Variants in FOXJ3 observed in about 807,000 individuals in gnomAD.
The protein encoded by FOXJ3 is forkhead box J3.
A neutral mutation model predicts 76.1 loss-of-function variants in FOXJ3; 22 were observed. That is an observed-to-expected ratio of 0.29 (90% CI 0.21 to 0.41). FOXJ3 has a LOEUF of 0.41. Among genes scored for constraint, FOXJ3 ranks in the 10% least tolerant of loss-of-function variants. The probability of loss-of-function intolerance (pLI) is 1.00; values close to 1 mark genes in which losing one functional copy is unlikely to be tolerated. For missense variants in FOXJ3, 613 were observed against 762.1 expected (o/e 0.80, Z 2.30); for synonymous variants, 269 against 261.2 (o/e 1.03, Z -0.29).
intron 4 of FOXJ3, among the ~76,000 whole-genome samples, chr1:42,229,682 C>G (rs949015432): frequency 5.3e-5 from 8 of 152,072 alleles, no homozygotes; most frequent in Non-Finnish European, 8.8e-5. Flanking sequence ...ACAAACTTGC[C>G]AAGAACCCTA....
rs11799854 is a variant in FOXJ3 at position 42,188,688 on chromosome 1, C to T, written c.1645+49G>A. The T allele has an allele frequency of 2.3e-3, 2,951 of 1,280,534 alleles. 59 individuals are homozygous for T. The African/African-American group carries it at 0.041, about 18-fold the overall frequency. 79.3% of individuals were successfully genotyped at this position (1,280,534 alleles called of 1,614,324 possible). A position where few individuals can be genotyped will look rare whatever the true frequency, so the allele number is the denominator to read the frequency against. ...GTTGGTTAAGACAGTTACTAAATTT[C>T]GTACGAATGAGAAAATGAGAAAAAT... On this transcript the variant is annotated intron_variant, in intron 11 of 12. Transcript: ENST00000361346.
intron 4 of FOXJ3, among the ~76,000 whole-genome samples, chr1:42,235,841 T>C (rs557776972): frequency 6.6e-6 from 1 of 152,252 alleles, no homozygotes; most frequent in African/African-American, 2.4e-5. Context: ...TGTGAGCCAC[T>C]GCACCAGGCC....
intron 8 of FOXJ3, among the ~76,000 whole-genome samples, chr1:42,194,650 G>A (rs754298139): frequency 1.3e-5 from 2 of 152,150 alleles, no homozygotes; most frequent in Non-Finnish European, 2.9e-5. Flanking sequence ...CTTTAACACA[G>A]TGTTCCTGGA....
At chr1:42,296,611 G>C (rs2124719795) in intron 2 of FOXJ3, among the ~76,000 whole-genome samples, 1 of 152,294 alleles carries the variant, frequency 6.6e-6, no homozygotes, top group Non-Finnish European at 1.5e-5. Context: ...AAGATCAGTT[G>C]GTTGTAGGTA....
chr1:42,217,011 G>A (rs1387691228), intron 5 of FOXJ3, among the ~76,000 whole-genome samples: 3 of 152,120 alleles, frequency 2.0e-5, no homozygotes, highest in Non-Finnish European at 4.4e-5. Flanking sequence ...ACTGATAAAT[G>A]CTGTCTGCAA....
chr1:42,293,583 T>C (rs1653583837), intron 2 of FOXJ3, among the ~76,000 whole-genome samples: 1 of 152,192 alleles, frequency 6.6e-6, no homozygotes, highest in Non-Finnish European at 1.5e-5. Context: ...AAAAAAAAAT[T>C]TGTGCTGCGA....
intron 2 of FOXJ3, among the ~76,000 whole-genome samples, chr1:42,292,145 C>T (rs1464462775): frequency 6.6e-6 from 1 of 152,066 alleles, no homozygotes; most frequent in African/African-American, 2.4e-5. Context: ...AGAAAAGATG[C>T]TAAACATCAT....
intron 4 of FOXJ3, among the ~76,000 whole-genome samples, chr1:42,256,664 A>G (rs778357575): frequency 4.6e-5 from 7 of 152,236 alleles, no homozygotes; most frequent in Non-Finnish European, 8.8e-5. Context: ...CACTTTGGGA[A>G]AGGGTTTGGC....
intron 4 of FOXJ3, among the ~76,000 whole-genome samples, chr1:42,230,190 TTCCACCAAAC>T: frequency 6.6e-6 from 1 of 152,202 alleles, no homozygotes; most frequent in South Asian, 2.1e-4. Context: ...TTGTGAAATC[TTCCACCAAAC>T]AGTTCAGGCT....
intron 1 of FOXJ3, among the ~76,000 whole-genome samples, chr1:42,318,345 A>G (rs1040520835): frequency 6.6e-6 from 1 of 152,130 alleles, no homozygotes; most frequent in Non-Finnish European, 1.5e-5. Context: ...AGGGAAATAC[A>G]ATTTTTTATT....
intron 4 of FOXJ3, among the ~76,000 whole-genome samples, chr1:42,259,450 C>G (rs1283301991): frequency 6.6e-6 from 1 of 152,058 alleles, no homozygotes; most frequent in Non-Finnish European, 1.5e-5. Context: ...AGGCCAACAA[C>G]AACAAAATGT....
intron 1 of FOXJ3, among the ~76,000 whole-genome samples, chr1:42,320,454 C>T (rs1440593560): frequency 2.6e-5 from 4 of 152,100 alleles, no homozygotes; most frequent in Admixed American, 6.6e-5. Context: ...GTCCCAAAAT[C>T]GTATCATGTG....
intron 2 of FOXJ3, among the ~76,000 whole-genome samples, chr1:42,292,828 T>C (rs1311768724): frequency 2.6e-5 from 4 of 152,144 alleles, no homozygotes; most frequent in African/African-American, 7.2e-5. Flanking sequence ...GGGCTCAGCA[T>C]GGTGGCTCAC....
At chr1:42,238,046 T>G (rs941884788) in intron 4 of FOXJ3, among the ~76,000 whole-genome samples, 5 of 152,272 alleles carry the variant, frequency 3.3e-5, no homozygotes, top group Admixed American at 2.0e-4. Context: ...ATTTTTTTAC[T>G]TTTTGAGACG....
At chr1:42,231,401 G>C (rs1279695454) in intron 4 of FOXJ3, among the ~76,000 whole-genome samples, 1 of 152,072 alleles carries the variant, frequency 6.6e-6, no homozygotes, top group Non-Finnish European at 1.5e-5. Flanking sequence ...GACAAATATT[G>C]TATGATTCCA....
intron 11 of FOXJ3, among the ~76,000 whole-genome samples, chr1:42,187,857 A>G (rs929822671): frequency 6.6e-6 from 1 of 152,246 alleles, no homozygotes; most frequent in Admixed American, 6.5e-5. Context: ...TATTCAAAAT[A>G]GCTTAGGAAA....
intron 1 of FOXJ3, among the ~76,000 whole-genome samples, chr1:42,324,295 T>TTA (rs1480354284): frequency 7.0e-6 from 1 of 143,134 alleles, no homozygotes; most frequent in African/African-American, 2.6e-5. Flanking sequence ...TACACATATA[T>TTA]TATATATATA....
At chr1:42,292,695 G>A (rs2124708998) in intron 2 of FOXJ3, among the ~76,000 whole-genome samples, 1 of 152,350 alleles carries the variant, frequency 6.6e-6, no homozygotes, top group East Asian at 1.9e-4. Flanking sequence ...TGCTGGGAAT[G>A]ACGGGTATGT....
intron 4 of FOXJ3, among the ~76,000 whole-genome samples, chr1:42,249,701 C>T (rs1461309855): frequency 6.6e-6 from 1 of 152,154 alleles, no homozygotes; most frequent in East Asian, 1.9e-4. Context: ...TCAGACACTG[C>T]TGGGTATGAT....
Sources: allele counts gnomAD v4.1 joint callset (sites outside exome capture counted in the v4.1 genomes callset), GRCh38; gene constraint gnomAD v4.1.1; transcripts MANE v1.5; gene names NCBI Gene and HGNC (gene_info 2026-07-23, HGNC 2026-07-21).